The following AK5 variants were observed in gnomAD, a reference collection of about 807,000 sequenced individuals.
The protein encoded by AK5 is adenylate kinase 5.
In AK5, 27 loss-of-function variants were observed where a neutral mutation model predicts 69.5. The observed-to-expected ratio is 0.39, with a 90% CI of 0.29 to 0.54. The LOEUF (loss-of-function observed/expected upper bound fraction) is 0.54. Ranked by LOEUF, AK5 falls within the 20% of genes least tolerant of loss-of-function variation. The pLI is 0.71. For synonymous variants in AK5, 260 were observed against 244.4 expected (o/e 1.06, Z -0.60); for missense variants, 531 against 700.4 (o/e 0.76, Z 2.73).
chr1:77,477,856 C>G (rs533782180), intron 8 of AK5, among the ~76,000 whole-genome samples: 2 of 152,162 alleles, frequency 1.3e-5, no homozygotes, highest in African/African-American at 4.8e-5. Flanking sequence ...CTGGTTAATA[C>G]AAACAAGTTA....
chr1:77,396,881 G>A (rs1557558929), intron 6 of AK5, among the ~76,000 whole-genome samples: 1 of 152,208 alleles, frequency 6.6e-6, no homozygotes, highest in Non-Finnish European at 1.5e-5. Context: ...TGGGATGTTT[G>A]CAAGATGCTT....
At chr1:77,337,769 G>A (rs57389685) in intron 5 of AK5, among the ~76,000 whole-genome samples, 10,230 of 152,006 alleles carry the variant, frequency 0.067, 429 homozygotes, top group Non-Finnish European at 0.085. Context: ...ACTTTGCAGC[G>A]GGGAAAACTG....
At chr1:77,348,258 G>C (rs1180291576) in intron 6 of AK5, among the ~76,000 whole-genome samples, 1 of 152,146 alleles carries the variant, frequency 6.6e-6, no homozygotes, top group Admixed American at 6.5e-5. Context: ...ACAAAATCGA[G>C]ATAATTCAAG....
intron 5 of AK5, among the ~76,000 whole-genome samples, chr1:77,333,973 A>G (rs1334648298): frequency 6.6e-6 from 1 of 152,210 alleles, no homozygotes; most frequent in Admixed American, 6.5e-5. Context: ...AAATACCACA[A>G]GATACTTTTA....
At chr1:77,399,730 C>T (rs1026655892) in intron 6 of AK5, among the ~76,000 whole-genome samples, 22 of 152,054 alleles carry the variant, frequency 1.4e-4, no homozygotes, top group African/African-American at 4.1e-4. Context: ...TGAGGGAGAC[C>T]GAATAGTGAT....
chr1:77,317,850 A>C (rs2100313515), intron 5 of AK5, among the ~76,000 whole-genome samples: 1 of 152,348 alleles, frequency 6.6e-6, no homozygotes, highest in South Asian at 2.1e-4. Flanking sequence ...AGAATTACTG[A>C]ATTAGAATTT....
intron 5 of AK5, among the ~76,000 whole-genome samples, chr1:77,334,211 T>C (rs1460487897): frequency 1.3e-5 from 2 of 152,200 alleles, no homozygotes; most frequent in Admixed American, 6.5e-5. Flanking sequence ...AAGATTTTTT[T>C]GCTGGATATA....
At chr1:77,485,113 G>GTATCT (rs1419617873) in intron 9 of AK5, among the ~76,000 whole-genome samples, 4 of 152,204 alleles carry the variant, frequency 2.6e-5, no homozygotes. Flanking sequence ...GAACACCAGT[G>GTATCT]TATCTGCCTT....
intron 10 of AK5, among the ~76,000 whole-genome samples, chr1:77,499,335 G>A (rs1214277212): frequency 6.6e-6 from 1 of 152,124 alleles, no homozygotes; most frequent in East Asian, 1.9e-4. Context: ...ACTGTGACAT[G>A]TTACTGCGAC....
intron 6 of AK5, among the ~76,000 whole-genome samples, chr1:77,361,985 T>A (rs565919949): frequency 2.0e-5 from 3 of 152,290 alleles, no homozygotes; most frequent in African/African-American, 7.2e-5. Flanking sequence ...TAACTTACCA[T>A]GACTGTGCCC....
intron 13 of AK5, among the ~76,000 whole-genome samples, chr1:77,551,426 G>C (rs924345158): frequency 2.6e-5 from 4 of 152,040 alleles, no homozygotes; most frequent in African/African-American, 9.7e-5. Flanking sequence ...CCATATCTTT[G>C]GGCTCCACAG....
chr1:77,468,524 C>A (rs1654282128), intron 8 of AK5, among the ~76,000 whole-genome samples: 1 of 152,246 alleles, frequency 6.6e-6, no homozygotes, highest in Non-Finnish European at 1.5e-5. Context: ...AAGGGTCCAG[C>A]CCTGGATTTT....
At chr1:77,339,585 C>T (rs1570405608) in intron 5 of AK5, among the ~76,000 whole-genome samples, 1 of 151,840 alleles carries the variant, frequency 6.6e-6, no homozygotes, top group Admixed American at 6.6e-5. Context: ...AGAGCCTCAG[C>T]TCATCTATGA....
intron 8 of AK5, among the ~76,000 whole-genome samples, chr1:77,443,041 T>C (rs978741213): frequency 6.6e-6 from 1 of 152,176 alleles, no homozygotes; most frequent in Non-Finnish European, 1.5e-5. Context: ...TTCTGACAAC[T>C]TTCACACCTA....
At chr1:77,428,091 G>A (rs530436641) in intron 8 of AK5, among the ~76,000 whole-genome samples, 48 of 152,230 alleles carry the variant, frequency 3.2e-4, no homozygotes, top group Middle Eastern at 3.4e-3. Context: ...CCTCCAAATC[G>A]TATTAATGAC....
At chr1:77,332,897 A>C (rs1661164514) in intron 5 of AK5, among the ~76,000 whole-genome samples, 1 of 151,944 alleles carries the variant, frequency 6.6e-6, no homozygotes, top group South Asian at 2.1e-4. Flanking sequence ...AGATATATTA[A>C]AATTTGCTAC....
At chr1:77,402,627 A>G (rs1390459270) in intron 6 of AK5, among the ~76,000 whole-genome samples, 6 of 151,952 alleles carry the variant, frequency 3.9e-5, no homozygotes, top group Non-Finnish European at 8.8e-5. Flanking sequence ...ACACGAACTC[A>G]TCATTTTTTA....
chr1:77,502,914 G>A (rs548856700), intron 10 of AK5, among the ~76,000 whole-genome samples: 8 of 152,194 alleles, frequency 5.3e-5, no homozygotes, highest in Non-Finnish European at 1.2e-4. Flanking sequence ...CTGTGGTATA[G>A]GTGAACTCAG....
In AK5 at chr1:77,553,757, C is replaced by T. The variant is rs74090646; in HGVS notation, c.1621-4845C>T. ...GTTTGTGGATTTACACCTTCTTACC[C>T]GTCCCTGCTACAGGGGAGGAAACTT... On this transcript the variant is annotated intron_variant, in intron 13 of 13. Coordinates refer to ENST00000354567, the MANE Select transcript of AK5 (RefSeq NM_174858.3). 5.1e-3 allele frequency among the ~76,000 whole-genome samples: 779 copies of T among 152,278 alleles called. 6 individuals carry two copies. The highest frequency in any genetic ancestry group is 0.018 in the African/African-American group (747 of 41,558).
Sources: gnomAD v4.1 joint callset for allele counts (sites outside exome capture counted in the v4.1 genomes callset) on GRCh38, gnomAD v4.1.1 for gene constraint, MANE v1.5 for transcripts, NCBI Gene and HGNC (gene_info 2026-07-23, HGNC 2026-07-21) for gene names.